The following NEGR1 variants were observed in gnomAD, a reference collection of about 807,000 sequenced individuals.
NEGR1 encodes neuronal growth regulator 1, also known as IgLON family member 4.
A neutral mutation model predicts 40.9 loss-of-function variants in NEGR1; 10 were observed. The observed-to-expected ratio is 0.24, with a 90% CI of 0.15 to 0.42. The LOEUF (loss-of-function observed/expected upper bound fraction) is 0.42, where lower values mean the gene tolerates loss of function less well. NEGR1 is among the 10% of genes least tolerant of loss of function. The pLI is 1.00. For missense variants in NEGR1, 352 were observed against 438.9 expected, an observed-to-expected ratio of 0.80 and a Z score of 1.77; for synonymous variants, 185 against 166.8, an observed-to-expected ratio of 1.11 and a Z score of -0.84.
At chr1:71,692,485 C>G (rs1011318999) in intron 4 of NEGR1, among the ~76,000 whole-genome samples, 55 of 151,672 alleles carry the variant, frequency 3.6e-4, no homozygotes, top group African/African-American at 1.2e-3. Context: ...CTTTGAACAC[C>G]GAGATTTTCC....
intron 1 of NEGR1, among the ~76,000 whole-genome samples, chr1:72,029,011 C>T (rs1182320700): frequency 1.3e-5 from 2 of 152,104 alleles, no homozygotes; most frequent in Middle Eastern, 3.4e-3. Flanking sequence ...ATATCTAAAA[C>T]GCTAAAGGAA....
At chr1:71,975,325 T>A (rs1646292525) in intron 1 of NEGR1, among the ~76,000 whole-genome samples, 1 of 152,168 alleles carries the variant, frequency 6.6e-6, no homozygotes, top group African/African-American at 2.4e-5. Flanking sequence ...TTCCCCATCT[T>A]TTACAGTCTT....
At chr1:71,595,112 G>T (rs1030643331) in intron 5 of NEGR1, among the ~76,000 whole-genome samples, 5 of 152,168 alleles carry the variant, frequency 3.3e-5, no homozygotes, top group Non-Finnish European at 5.9e-5. Context: ...GTATCTGAAG[G>T]CACAGCCACA....
intron 1 of NEGR1, among the ~76,000 whole-genome samples, chr1:71,990,446 C>T (rs572694206): frequency 6.6e-6 from 1 of 152,272 alleles, no homozygotes; most frequent in African/African-American, 2.4e-5. Context: ...TCCAAGATCA[C>T]ATCCTCTCTT....
chr1:71,816,880 T>C (rs533383571), intron 2 of NEGR1, among the ~76,000 whole-genome samples: 7 of 151,820 alleles, frequency 4.6e-5, no homozygotes, highest in Non-Finnish European at 1.0e-4. Context: ...TCTCAAAAAC[T>C]TTCCCCCTAA....
intron 2 of NEGR1, among the ~76,000 whole-genome samples, chr1:71,825,354 C>A (rs1483848826): frequency 6.6e-6 from 1 of 151,858 alleles, no homozygotes; most frequent in African/African-American, 2.4e-5. Flanking sequence ...CATTTTACAA[C>A]TCATCTGTGT....
At chr1:71,839,408 G>A (rs1003151495) in intron 2 of NEGR1, among the ~76,000 whole-genome samples, 9 of 150,658 alleles carry the variant, frequency 6.0e-5, no homozygotes, top group Non-Finnish European at 1.2e-4. Flanking sequence ...ATGGGGTTTC[G>A]CCATATTGGC....
At chr1:72,114,609 T>A (rs1391330856) in intron 1 of NEGR1, among the ~76,000 whole-genome samples, 3 of 151,844 alleles carry the variant, frequency 2.0e-5, no homozygotes, top group Admixed American at 2.0e-4. Context: ...ACACTGAGAA[T>A]TAAAATTAGG....
intron 6 of NEGR1, chr1:71,486,338 G>A (rs1340274815): frequency 6.6e-6 from 1 of 151,078 alleles, no homozygotes; most frequent in South Asian, 2.1e-4. Flanking sequence ...TACATGTTTT[G>A]GGTAACATTC....
At chr1:72,143,914 A>AATATATATATAT (rs61582804) in intron 1 of NEGR1, among the ~76,000 whole-genome samples, 2 of 130,602 alleles carry the variant, frequency 1.5e-5, no homozygotes, top group African/African-American at 5.9e-5. Context: ...TGATATATAT[A>AATATATATATAT]ATATATATAT....
In NEGR1 at chr1:71,593,091, C is replaced by T. The variant is rs12406130; in HGVS notation, c.789-123G>A. ...CAACTACGCTGACGTTAGCATATAA[C>T]GTGATAATGGTGCAATTTACATTTC... is the stretch of plus-strand genomic sequence containing the variant. On this transcript the variant is annotated intron_variant, in intron 5 of 6. Coordinates refer to ENST00000357731, the MANE Select transcript of NEGR1 (RefSeq NM_173808.3). 6.6e-3 allele frequency: 3,929 copies of T among 598,364 alleles called. 31 individuals carry two copies. The highest frequency in any genetic ancestry group is 0.012 in the Middle Eastern group (27 of 2,220). 37.1% of individuals were successfully genotyped at this position (598,364 alleles called of 1,614,324 possible).
chr1:72,196,867 C>T (rs1653020206), intron 1 of NEGR1, among the ~76,000 whole-genome samples: 1 of 151,384 alleles, frequency 6.6e-6, no homozygotes, highest in Non-Finnish European at 1.5e-5. Flanking sequence ...CACAAAAAGT[C>T]ATTTTAATAA....
At chr1:71,450,904 T>G (rs931957776) in intron 6 of NEGR1, among the ~76,000 whole-genome samples, 1 of 152,098 alleles carries the variant, frequency 6.6e-6, no homozygotes, top group African/African-American at 2.4e-5. Flanking sequence ...GATTAAATAT[T>G]ACTTACAGTG....
chr1:71,921,685 G>T (rs1023455078), intron 2 of NEGR1, among the ~76,000 whole-genome samples: 1 of 129,516 alleles, frequency 7.7e-6, no homozygotes, highest in South Asian at 2.5e-4. Flanking sequence ...TATATATATA[G>T]AATAGATACA....
chr1:72,240,654 G>A (rs1377471221), intron 1 of NEGR1, among the ~76,000 whole-genome samples: 3 of 151,858 alleles, frequency 2.0e-5, no homozygotes, highest in Non-Finnish European at 2.9e-5. Context: ...CATGACAACA[G>A]TGTTTTGAGA....
At chr1:71,679,474 C>T (rs538164488) in intron 4 of NEGR1, among the ~76,000 whole-genome samples, 2 of 151,912 alleles carry the variant, frequency 1.3e-5, no homozygotes, top group Non-Finnish European at 2.9e-5. Flanking sequence ...CATATATTTG[C>T]CATTGTAAAT....
intron 3 of NEGR1, among the ~76,000 whole-genome samples, chr1:71,768,826 A>C (rs1282668707): frequency 6.6e-6 from 1 of 152,130 alleles, no homozygotes; most frequent in Non-Finnish European, 1.5e-5. Context: ...TTTTTCATAA[A>C]TGGTTTAGCA....
intron 2 of NEGR1, among the ~76,000 whole-genome samples, chr1:71,917,196 G>A (rs993965307): frequency 4.6e-5 from 7 of 152,132 alleles, no homozygotes; most frequent in African/African-American, 1.7e-4. Context: ...ACTGGGATAA[G>A]GAGAGAGCTG....
intron 6 of NEGR1, among the ~76,000 whole-genome samples, chr1:71,580,626 A>G (rs547414439): frequency 2.0e-5 from 3 of 152,226 alleles, no homozygotes; most frequent in Non-Finnish European, 4.4e-5. Flanking sequence ...AGTGAAGAAA[A>G]TTATAGAAAT....
Sources: gnomAD v4.1 joint callset for allele counts (sites outside exome capture counted in the v4.1 genomes callset) on GRCh38, gnomAD v4.1.1 for gene constraint, MANE v1.5 for transcripts, NCBI Gene and HGNC (gene_info 2026-07-23, HGNC 2026-07-21) for gene names.